PTPRK: variants seen among roughly 807,000 people sequenced by gnomAD.
PTPRK encodes protein tyrosine phosphatase receptor type K, also known as receptor-type tyrosine-protein phosphatase kappa.
Under a neutral mutation model 178.0 loss-of-function variants are expected in PTPRK, and 75 were observed. That is an observed-to-expected ratio of 0.42 (90% confidence interval 0.35 to 0.51). The LOEUF (loss-of-function observed/expected upper bound fraction) is 0.51. PTPRK is among the 20% of genes least tolerant of loss of function. The pLI is 0.02. For synonymous variants in PTPRK, 637 were observed against 620.6 expected, an observed-to-expected ratio of 1.03 and a Z score of -0.39; for missense variants, 1,441 against 1,797.8, an observed-to-expected ratio of 0.80 and a Z score of 3.59.
At chr6:128,289,104 A>G (rs1476196895) in intron 3 of PTPRK, among the ~76,000 whole-genome samples, 2 of 152,094 alleles carry the variant, frequency 1.3e-5, no homozygotes, top group Non-Finnish European at 2.9e-5. Flanking sequence ...TATATTATAA[A>G]TTAACATTTC....
chr6:128,228,097 C>T (rs757196610), intron 5 of PTPRK, among the ~76,000 whole-genome samples: 1 of 147,936 alleles, frequency 6.8e-6, no homozygotes, highest in Non-Finnish European at 1.5e-5. Context: ...TGCACATGTA[C>T]CCCAGAACTT....
At chr6:128,234,433 T>C (rs1007287084) in intron 5 of PTPRK, among the ~76,000 whole-genome samples, 3 of 152,226 alleles carry the variant, frequency 2.0e-5, no homozygotes, top group African/African-American at 7.2e-5. Flanking sequence ...AGTCAATATA[T>C]ATGACATTAA....
intron 13 of PTPRK, among the ~76,000 whole-genome samples, chr6:128,014,138 T>TA (rs1250777485): frequency 6.6e-6 from 1 of 151,556 alleles, no homozygotes; most frequent in African/African-American, 2.4e-5. Flanking sequence ...GTTATCTCCT[T>TA]AAAAAACACA....
chr6:128,097,897 C>G (rs1788164340), intron 7 of PTPRK, among the ~76,000 whole-genome samples: 1 of 151,642 alleles, frequency 6.6e-6, no homozygotes, highest in Admixed American at 6.6e-5. Context: ...TGTGTACAAC[C>G]CTAAAAAAAT....
At chr6:128,294,951 TAAGAAAGAC>T (rs1449315899) in intron 3 of PTPRK, among the ~76,000 whole-genome samples, 3 of 152,036 alleles carry the variant, frequency 2.0e-5, no homozygotes, top group African/African-American at 7.2e-5. Context: ...AAAGAGTAAT[TAAGAAAGAC>T]ATATGGTTAG....
chr6:128,402,710 T>G (rs1044658237), intron 1 of PTPRK, among the ~76,000 whole-genome samples: 4 of 152,184 alleles, frequency 2.6e-5, no homozygotes, highest in Admixed American at 6.5e-5. Flanking sequence ...TTATACCTGC[T>G]CTAATGATAA....
intron 1 of PTPRK, among the ~76,000 whole-genome samples, chr6:128,469,146 GA>G (rs1428383826): frequency 1.3e-5 from 2 of 152,106 alleles, no homozygotes; most frequent in East Asian, 3.9e-4. Flanking sequence ...TGAAGAAACA[GA>G]AATGACTACT....
At chr6:128,487,287 G>A (rs187607049) in intron 1 of PTPRK, among the ~76,000 whole-genome samples, 12 of 150,736 alleles carry the variant, frequency 8.0e-5, no homozygotes, top group African/African-American at 2.9e-4. Flanking sequence ...TTGACCGAAA[G>A]TCCCTCCAGG....
At chr6:128,051,596 C>G (rs577487566) in intron 13 of PTPRK, among the ~76,000 whole-genome samples, 9 of 152,248 alleles carry the variant, frequency 5.9e-5, no homozygotes, top group African/African-American at 2.2e-4. Flanking sequence ...TGTGACAAGG[C>G]ACTCCACTGG....
chr6:128,011,021 G>A (rs1285789103), intron 13 of PTPRK, among the ~76,000 whole-genome samples: 1 of 151,030 alleles, frequency 6.6e-6, no homozygotes, highest in Non-Finnish European at 1.5e-5. Flanking sequence ...TTTCCAGGGC[G>A]ACGTTAGAAA....
chr6:128,082,266 C>A (rs555660040), intron 10 of PTPRK, among the ~76,000 whole-genome samples, 171 bp downstream of exon 10: 2 of 152,152 alleles, frequency 1.3e-5, no homozygotes, highest in South Asian at 4.2e-4. Flanking sequence ...TTGGTTTGGA[C>A]ATATAATTCA....
At chr6:128,365,459 T>C (rs555639776) in intron 2 of PTPRK, among the ~76,000 whole-genome samples, 1 of 152,214 alleles carries the variant, frequency 6.6e-6, no homozygotes, top group East Asian at 1.9e-4. Flanking sequence ...AAAATAAAAA[T>C]ACTTCCAGAG....
intron 7 of PTPRK, among the ~76,000 whole-genome samples, chr6:128,166,968 TC>T (rs1266898480): frequency 1.3e-5 from 2 of 151,716 alleles, no homozygotes; most frequent in Admixed American, 1.3e-4. Flanking sequence ...CCTGGAGTTA[TC>T]AATATCATCT....
chr6:128,256,447 T>A (rs1202818647), intron 3 of PTPRK, among the ~76,000 whole-genome samples: 2 of 119,480 alleles, frequency 1.7e-5, no homozygotes, highest in Non-Finnish European at 3.2e-5. Context: ...ATGTTCTTCA[T>A]TTTTTTTTTT....
At chr6:128,238,861 T>A (rs1562849254) in intron 5 of PTPRK, among the ~76,000 whole-genome samples, 1 of 152,114 alleles carries the variant, frequency 6.6e-6, no homozygotes, top group Non-Finnish European at 1.5e-5. Context: ...AAATAAGCTA[T>A]AAAAGTAGTA....
intron 13 of PTPRK, among the ~76,000 whole-genome samples, chr6:128,037,573 T>A (rs530195110): frequency 6.6e-6 from 1 of 152,334 alleles, no homozygotes; most frequent in South Asian, 2.1e-4. Flanking sequence ...ATTTGGGAAA[T>A]AAGTCTAGCA....
At chr6:128,426,846 A>C (rs1844205115) in intron 1 of PTPRK, among the ~76,000 whole-genome samples, 1 of 152,186 alleles carries the variant, frequency 6.6e-6, no homozygotes, top group South Asian at 2.1e-4. Context: ...GCAAGTAAAA[A>C]CTACCAAGGA....
chr6:128,016,887 C>T (rs1333616295), intron 13 of PTPRK, among the ~76,000 whole-genome samples: 2 of 151,954 alleles, frequency 1.3e-5, no homozygotes, highest in South Asian at 2.1e-4. Context: ...ATCAAAATTA[C>T]GTTAAGTACA....
intron 6 of PTPRK, among the ~76,000 whole-genome samples, chr6:128,213,389 G>A (rs1028203183): frequency 1.3e-5 from 2 of 152,080 alleles, no homozygotes; most frequent in African/African-American, 4.8e-5. Flanking sequence ...GGTATCCACT[G>A]GCTGCATGGG....
Sources: allele counts gnomAD v4.1 joint callset (sites outside exome capture counted in the v4.1 genomes callset), GRCh38; gene constraint gnomAD v4.1.1; transcripts MANE v1.5; gene names NCBI Gene and HGNC (gene_info 2026-07-23, HGNC 2026-07-21).